LSAMP: variants seen among roughly 807,000 people sequenced by gnomAD.
The protein encoded by LSAMP is limbic system-associated membrane protein.
A neutral mutation model predicts 38.6 loss-of-function variants in LSAMP; 7 were observed. The ratio of observed to expected loss-of-function variants is 0.18; its 90% CI spans 0.10 to 0.34. LSAMP has a LOEUF of 0.34. Ranked by LOEUF, LSAMP falls within the 10% of genes least tolerant of loss-of-function variation. The probability of loss-of-function intolerance (pLI) is 1.00; values close to 1 mark genes in which losing one functional copy is unlikely to be tolerated. For synonymous variants in LSAMP, 154 were observed against 166.8 expected, an observed-to-expected ratio of 0.92 and a Z score of 0.59; for missense variants, 313 against 420.0, an observed-to-expected ratio of 0.75 and a Z score of 2.23.
chr3:115,999,304 C>T (rs922416039), intron 3 of LSAMP, among the ~76,000 whole-genome samples: 3 of 152,120 alleles, frequency 2.0e-5, no homozygotes, highest in Admixed American at 6.6e-5. Flanking sequence ...TATCAGTGTT[C>T]CCCTTGTCTT....
rs78501199 is a variant in LSAMP at position 116,421,788 on chromosome 3, G to A, written c.155+23089C>T. ...CAAAAGAGAGACAACCATAAGTGTC[G>A]ACAAGTATATGAAAAACCTGAAACA... On this transcript the variant is annotated intron_variant, in intron 1 of 6. Transcript: ENST00000490035. 4.8e-4 allele frequency among the ~76,000 whole-genome samples: 73 copies of A among 152,190 alleles called. 1 individual carries two copies. The East Asian group carries it at 6.7e-3, about 14-fold the overall frequency.
chr3:116,178,600 TAAG>T (rs1170851918), intron 1 of LSAMP, among the ~76,000 whole-genome samples: 2 of 152,130 alleles, frequency 1.3e-5, no homozygotes, highest in Non-Finnish European at 1.5e-5. Context: ...CTATGAATGC[TAAG>T]AAGGACTAGG....
chr3:116,155,020 T>TG (rs924609633), intron 1 of LSAMP, among the ~76,000 whole-genome samples: 2 of 151,740 alleles, frequency 1.3e-5, no homozygotes, highest in African/African-American at 4.8e-5. Flanking sequence ...ATGTTTTGGT[T>TG]TTTTTTGTTT....
At chr3:116,239,456 A>G (rs2046504600) in intron 1 of LSAMP, among the ~76,000 whole-genome samples, 1 of 152,254 alleles carries the variant, frequency 6.6e-6, no homozygotes, top group Non-Finnish European at 1.5e-5. Flanking sequence ...GTTGAAATCC[A>G]TGAATCCTAT....
At chr3:115,909,810 T>C (rs146561951) in intron 3 of LSAMP, among the ~76,000 whole-genome samples, 38 of 152,220 alleles carry the variant, frequency 2.5e-4, no homozygotes, top group African/African-American at 8.9e-4. Context: ...CAGGATAATA[T>C]ACTTTAATGA....
intron 2 of LSAMP, among the ~76,000 whole-genome samples, chr3:116,069,928 A>G (rs1420243071): frequency 6.6e-6 from 1 of 152,202 alleles, no homozygotes; most frequent in East Asian, 1.9e-4. Flanking sequence ...GAAGTCATCA[A>G]TGGACAAAAT....
At position 116,008,751 on chromosome 3, in the gene LSAMP, T is replaced by C. The variant is rs9883573; in HGVS notation, c.514+10764A>G. Among the ~76,000 whole-genome samples the C allele has an allele frequency of 9.3e-3, 1,422 of 152,200 alleles. 25 individuals are homozygous for C. The highest frequency in any genetic ancestry group is 0.031 in the African/African-American group (1,297 of 41,530). ...AGGGAAAGGAGGTGGGGATGAACTT[T>C]AGTGTTACCAGATTGGTAGGAACGT... is the stretch of plus-strand genomic sequence containing the variant. On this transcript the variant is annotated intron_variant, in intron 3 of 6. Transcript: ENST00000490035.
chr3:116,097,461 C>T (rs1708249331), intron 1 of LSAMP, among the ~76,000 whole-genome samples: 1 of 152,182 alleles, frequency 6.6e-6, no homozygotes, highest in South Asian at 2.1e-4. Flanking sequence ...AGCAGAACCA[C>T]ATTATAATAT....
Position 116,311,408 on chromosome 3 carries a change from C to T in LSAMP, c.155+133469G>A, listed in dbSNP as rs2047555740. ...AGTTCTTGGTTGCAGTCTAGGAATC[C>T]ATGTTTTTAATAAATTCTCCCAAGC... On this transcript the variant is annotated intron_variant, in intron 1 of 6. Transcript: ENST00000490035. 2.0e-5 allele frequency among the ~76,000 whole-genome samples: 3 copies of T among 152,148 alleles called. No individual in the cohort carries two copies. In the South Asian group the frequency reaches 6.2e-4, roughly 32 times the overall value.
At chr3:116,318,431 TAA>T (rs2047662848) in intron 1 of LSAMP, among the ~76,000 whole-genome samples, 1 of 152,174 alleles carries the variant, frequency 6.6e-6, no homozygotes, top group African/African-American at 2.4e-5. Flanking sequence ...TGACATTCTC[TAA>T]GTCTACACAG....
chr3:116,082,085 G>A (rs1707883788), intron 2 of LSAMP, among the ~76,000 whole-genome samples: 1 of 152,180 alleles, frequency 6.6e-6, no homozygotes, highest in South Asian at 2.1e-4. Context: ...ATGTTGTCAT[G>A]TGAGGATTTC....
At chr3:115,913,983 A>T (rs895469675) in intron 3 of LSAMP, among the ~76,000 whole-genome samples, 1 of 152,206 alleles carries the variant, frequency 6.6e-6, no homozygotes, top group African/African-American at 2.4e-5. Flanking sequence ...TTAAATCTTT[A>T]AAAAAATAAA....
At chr3:116,424,980 C>A (rs1276143721) in intron 1 of LSAMP, among the ~76,000 whole-genome samples, 1 of 150,408 alleles carries the variant, frequency 6.6e-6, no homozygotes, top group African/African-American at 2.5e-5. Flanking sequence ...AAGAGGCCAA[C>A]TTCACTAGAA....
chr3:116,297,914 A>AAC (rs1224524482), intron 1 of LSAMP, among the ~76,000 whole-genome samples: 1 of 152,140 alleles, frequency 6.6e-6, no homozygotes, highest in African/African-American at 2.4e-5. Context: ...CCTGTTGACC[A>AAC]ACACCCTTTC....
At chr3:116,304,703 A>G (rs2047458706) in intron 1 of LSAMP, among the ~76,000 whole-genome samples, 1 of 152,150 alleles carries the variant, frequency 6.6e-6, no homozygotes, top group Admixed American at 6.6e-5. Flanking sequence ...ATTTTGGGGT[A>G]TGGAGAACAT....
intron 1 of LSAMP, among the ~76,000 whole-genome samples, chr3:116,297,602 T>C (rs961066463): frequency 1.2e-4 from 19 of 152,170 alleles, no homozygotes; most frequent in African/African-American, 4.1e-4. Context: ...ATATATACCA[T>C]CCTACATTTC....
intron 1 of LSAMP, among the ~76,000 whole-genome samples, chr3:116,118,897 A>G (rs1387653849): frequency 6.6e-6 from 1 of 152,212 alleles, no homozygotes; most frequent in Non-Finnish European, 1.5e-5. Flanking sequence ...CCATGTGATC[A>G]TGCAGATCAG....
At chr3:116,416,769 G>T in intron 1 of LSAMP, among the ~76,000 whole-genome samples, 1 of 151,930 alleles carries the variant, frequency 6.6e-6, no homozygotes, top group Non-Finnish European at 1.5e-5. Context: ...CTGAGTTAAA[G>T]GCACGTGCAG....
intron 3 of LSAMP, among the ~76,000 whole-genome samples, chr3:115,884,158 A>G (rs1936392018): frequency 1.3e-5 from 2 of 152,154 alleles, no homozygotes; most frequent in Admixed American, 1.3e-4. Flanking sequence ...GATGAAGAAA[A>G]GAGAGAGCTC....
Sources: allele counts gnomAD v4.1 joint callset (sites outside exome capture counted in the v4.1 genomes callset), GRCh38; gene constraint gnomAD v4.1.1; transcripts MANE v1.5; gene names NCBI Gene and HGNC (gene_info 2026-07-23, HGNC 2026-07-21).